The following CCDC192 variants were observed in gnomAD, a reference collection of about 807,000 sequenced individuals.
CCDC192 encodes coiled-coil domain-containing protein 192.
At chr5:127,845,078 G>A (rs1750472751) in intron 5 of CCDC192, among the ~76,000 whole-genome samples, 1 of 152,210 alleles carries the variant, frequency 6.6e-6, no homozygotes, top group Non-Finnish European at 1.5e-5. Context: ...GAAGGAGCTG[G>A]ATGGACTTGA....
At chr5:127,873,737 C>T (rs752373220) in intron 5 of CCDC192, among the ~76,000 whole-genome samples, 2 of 152,128 alleles carry the variant, frequency 1.3e-5, no homozygotes, top group Non-Finnish European at 2.9e-5. Flanking sequence ...GAGCATGGAA[C>T]AGTATTGAAG....
At chr5:127,738,378 T>G (rs1312593331) in intron 2 of CCDC192, among the ~76,000 whole-genome samples, 2 of 132,550 alleles carry the variant, frequency 1.5e-5, no homozygotes, top group African/African-American at 5.9e-5. Context: ...TTCCTTCATT[T>G]CAACTTTGGT....
At chr5:127,816,360 G>C (rs1010063770) in intron 5 of CCDC192, among the ~76,000 whole-genome samples, 2 of 152,184 alleles carry the variant, frequency 1.3e-5, no homozygotes, top group Non-Finnish European at 2.9e-5. Context: ...AAGCAAATTT[G>C]GGATAAGCTT....
chr5:127,718,061 A>G (rs1334406096), intron 2 of CCDC192, among the ~76,000 whole-genome samples: 2 of 152,168 alleles, frequency 1.3e-5, no homozygotes, highest in African/African-American at 2.4e-5. Flanking sequence ...AGCAGAGGCC[A>G]TAAAAAAGAT....
At chr5:127,714,316 T>C (rs1751500225) in intron 2 of CCDC192, among the ~76,000 whole-genome samples, 1 of 152,212 alleles carries the variant, frequency 6.6e-6, no homozygotes, top group African/African-American at 2.4e-5. Flanking sequence ...TGTGCAGATA[T>C]CTCTTTGACA....
At chr5:127,704,780 A>T (rs1463169225) in intron 1 of CCDC192, among the ~76,000 whole-genome samples, 1 of 152,000 alleles carries the variant, frequency 6.6e-6, no homozygotes, top group Non-Finnish European at 1.5e-5. Flanking sequence ...ATATCTCCCC[A>T]GTAAGCCTAG....
Position 127,792,826 on chromosome 5 carries a change from AAGG to A in CCDC192, c.223-4259_223-4257del, listed in dbSNP as rs968571117. Among the ~76,000 whole-genome samples the A allele has an allele frequency of 2.0e-3, 187 of 94,040 alleles. 1 individual carries two copies. The highest frequency in any genetic ancestry group is 3.1e-3 in the Admixed American group (30 of 9,616). 61.7% of individuals were successfully genotyped at this position (94,040 alleles called of 152,430 possible). A position where few individuals can be genotyped will look rare whatever the true frequency, so the allele number is the denominator to read the frequency against. On this transcript the variant is annotated intron_variant, in intron 3 of 6. Coordinates refer to ENST00000514853, the MANE Select transcript of CCDC192 (RefSeq NM_001317938.2). ...GGAGGAGAAGAGGAAGAAGAAGAAG[AAGG>A]AGGAGGAGGAGGAGGAGAAGGAGAA...
chr5:127,921,100 AAGGAAAGGAAAGGAGAAAGGAG>A (rs1753703188), intron 6 of CCDC192, among the ~76,000 whole-genome samples: 1 of 81,406 alleles, frequency 1.2e-5, no homozygotes, highest in Admixed American at 1.1e-4. Flanking sequence ...AAGGAAAGGA[AAGGAAAGGAAAGGAGAAAGGAG>A]AGGAAAGGAC....
At chr5:127,825,692 T>C (rs967267186) in intron 5 of CCDC192, among the ~76,000 whole-genome samples, 6 of 152,246 alleles carry the variant, frequency 3.9e-5, no homozygotes, top group Non-Finnish European at 7.3e-5. Flanking sequence ...TTATATACAA[T>C]CTATATACAT....
At chr5:127,750,438 T>G (rs1347377714) in intron 2 of CCDC192, among the ~76,000 whole-genome samples, 1 of 152,116 alleles carries the variant, frequency 6.6e-6, no homozygotes, top group Non-Finnish European at 1.5e-5. Context: ...GTGAGATTCT[T>G]AATCCTGAGT....
chr5:127,717,928 C>CAAAAAAAAAAAAAAAAAAAAAAACAAAAA, intron 2 of CCDC192, among the ~76,000 whole-genome samples: 2 of 98,064 alleles, frequency 2.0e-5, no homozygotes, highest in African/African-American at 3.9e-5. Flanking sequence ...TAAAGCTAGA[C>CAAAAAAAAAAAAAAAAAAAAAAACAAAAA]AAAAAAAAAA....
At chr5:127,853,794 A>G (rs1439160031) in intron 5 of CCDC192, among the ~76,000 whole-genome samples, 1 of 152,014 alleles carries the variant, frequency 6.6e-6, no homozygotes, top group Admixed American at 6.5e-5. Flanking sequence ...AAACAAACAA[A>G]CAAAAAACAA....
chr5:127,869,914 T>G (rs915222977), intron 5 of CCDC192, among the ~76,000 whole-genome samples: 3 of 151,742 alleles, frequency 2.0e-5, no homozygotes, highest in Non-Finnish European at 4.4e-5. Flanking sequence ...AGGTGTTAGC[T>G]TTGATTTCCA....
chr5:127,753,223 G>C (rs1754338077), intron 2 of CCDC192, among the ~76,000 whole-genome samples: 1 of 152,154 alleles, frequency 6.6e-6, no homozygotes, highest in African/African-American at 2.4e-5. Context: ...CAAGCTATAG[G>C]AAGGTCATCA....
At chr5:127,734,322 A>G (rs998417581) in intron 2 of CCDC192, among the ~76,000 whole-genome samples, 13 of 151,828 alleles carry the variant, frequency 8.6e-5, no homozygotes, top group African/African-American at 3.2e-4. Flanking sequence ...AATCCAGTCT[A>G]TCATTGTTGG....
chr5:127,848,701 G>A (rs755811912), intron 5 of CCDC192, among the ~76,000 whole-genome samples: 1 of 152,174 alleles, frequency 6.6e-6, no homozygotes, highest in Non-Finnish European at 1.5e-5. Context: ...GTTCTTATGA[G>A]TTAATATATG....
chr5:127,720,110 C>T (rs1393271274), intron 2 of CCDC192, among the ~76,000 whole-genome samples: 1 of 152,154 alleles, frequency 6.6e-6, no homozygotes, highest in Non-Finnish European at 1.5e-5. Context: ...ATCATTTCAG[C>T]ATTAACTCAA....
chr5:127,750,273 A>G (rs1444607164), intron 2 of CCDC192, among the ~76,000 whole-genome samples: 1 of 152,152 alleles, frequency 6.6e-6, no homozygotes, highest in East Asian at 1.9e-4. Flanking sequence ...TTCCCTCTAC[A>G]CACTGCTTTG....
At chr5:127,883,933 G>A (rs765543059) in intron 6 of CCDC192, among the ~76,000 whole-genome samples, 2 of 152,096 alleles carry the variant, frequency 1.3e-5, no homozygotes, top group Non-Finnish European at 2.9e-5. Flanking sequence ...AGACTCCTCC[G>A]ATGGCCCCTC....
Sources: allele counts gnomAD v4.1 joint callset (sites outside exome capture counted in the v4.1 genomes callset), GRCh38; gene constraint gnomAD v4.1.1; transcripts MANE v1.5; gene names NCBI Gene and HGNC (gene_info 2026-07-23, HGNC 2026-07-21).